ARHGEF10L: variants seen among roughly 807,000 people sequenced by gnomAD.
ARHGEF10L encodes the protein Rho guanine nucleotide exchange factor 10 like, also known as rho guanine nucleotide exchange factor 10-like protein.
In ARHGEF10L, 69 loss-of-function variants were observed where a neutral mutation model predicts 141.2. That is an observed-to-expected ratio of 0.49 (90% CI 0.40 to 0.60). ARHGEF10L has a LOEUF of 0.60. Among genes scored for constraint, ARHGEF10L ranks in the 20% least tolerant of loss-of-function variants. The pLI is 0.00. For synonymous variants in ARHGEF10L, 711 were observed against 718.5 expected, an observed-to-expected ratio of 0.99 and a Z score of 0.17; for missense variants, 1,482 against 1,734.3, an observed-to-expected ratio of 0.85 and a Z score of 2.58.
At position 17,644,674 on chromosome 1, in the gene ARHGEF10L, G is replaced by A. The variant is rs968399556; in HGVS notation, c.2273-3880G>A. Among the ~76,000 whole-genome samples, 3 of 152,164 alleles carry A rather than the reference G, an allele frequency of 2.0e-5. No homozygotes were observed. Among genetic ancestry groups the A allele is most frequent in the Admixed American group, 6.5e-5 (1 of 15,282 alleles). The stretch of plus-strand genomic sequence containing the variant: ...GCTTTAAGTTTGGGAAGTTCGGGAA[G>A]AGCAGTAAAGGCACGATACTGGGAC... On this transcript the variant is annotated intron_variant, in intron 21 of 28. Coordinates refer to ENST00000361221, the MANE Select transcript of ARHGEF10L (RefSeq NM_018125.4). This position sits in a 1 kb window ranked among gnomAD's most constrained non-coding sequence, Gnocchi z 4.5.
rs1446923114 is a variant in ARHGEF10L at position 17,639,904 on chromosome 1, C to T, written c.2172-298C>T. 7 of 1,438,350 alleles carry T rather than the reference C, an allele frequency of 4.9e-6. No homozygotes were observed. The East Asian group carries it at 2.2e-4, about 45-fold the overall frequency. The allele number at this position is 1,438,350 out of a possible 1,614,324, so 89.1% of individuals were successfully genotyped here. ...ACCGCTGACCAGGTGGAGTCACAGC[C>T]TGCAGAGGCTCTGCCGGGCACAAAG... is the stretch of plus-strand genomic sequence containing the variant. On this transcript the variant is annotated intron_variant, in intron 20 of 28. Transcript: ENST00000361221. This position sits in a 1 kb window ranked among gnomAD's most constrained non-coding sequence, Gnocchi z 4.3.
chr1:17,660,054 C>T (rs904829983), intron 25 of ARHGEF10L, among the ~76,000 whole-genome samples: 4 of 152,220 alleles, frequency 2.6e-5, no homozygotes, highest in African/African-American at 9.6e-5. Context: ...TCATTCACTC[C>T]TTCATTTGCT....
At chr1:17,610,592 TC>T (rs1318302676) in intron 7 of ARHGEF10L, among the ~76,000 whole-genome samples, 8 of 152,216 alleles carry the variant, frequency 5.3e-5, no homozygotes, top group Non-Finnish European at 8.8e-5. Context: ...TGCTTCACCC[TC>T]CTGAGCTGCT....
At chr1:17,648,058 G>A (rs1253696965) in intron 21 of ARHGEF10L, among the ~76,000 whole-genome samples, 2 of 152,176 alleles carry the variant, frequency 1.3e-5, no homozygotes, top group Non-Finnish European at 1.5e-5. Context: ...TCACCACCAT[G>A]GTCAAGTGTG....
chr1:17,624,808 G>T (rs543527810), intron 13 of ARHGEF10L, among the ~76,000 whole-genome samples: 1 of 152,334 alleles, frequency 6.6e-6, no homozygotes, highest in East Asian at 1.9e-4. Flanking sequence ...GGTCTGCCTG[G>T]CTGGCCCTGT....
chr1:17,591,338 G>T (rs552179542), intron 4 of ARHGEF10L, among the ~76,000 whole-genome samples: 4 of 151,934 alleles, frequency 2.6e-5, no homozygotes, highest in Non-Finnish European at 5.9e-5. Flanking sequence ...GACCTTCCAG[G>T]CTTGAGCGAT....
intron 26 of ARHGEF10L, among the ~76,000 whole-genome samples, chr1:17,668,272 G>A (rs1436174273): frequency 1.3e-5 from 2 of 152,188 alleles, no homozygotes; most frequent in Non-Finnish European, 2.9e-5. Context: ...GTGGGGCATC[G>A]AGCCCACACT....
rs562387823 is a variant in ARHGEF10L, at chr1:17,672,043, A to G, written c.3009+7448A>G. 4.6e-5 allele frequency among the ~76,000 whole-genome samples: 7 copies of G among 152,304 alleles called. No individual in the cohort carries two copies. In the East Asian group the frequency reaches 1.4e-3, roughly 29 times the overall value. On this transcript the variant is annotated intron_variant, in intron 26 of 28. Transcript: ENST00000361221. ...GGTGCTTCCTGAAGCGCGTGCGGTC[A>G]GCAATCTGCTCTGCATCTGATGCCT...
chr1:17,606,622 A>G (rs1037678458), intron 6 of ARHGEF10L, among the ~76,000 whole-genome samples: 1 of 151,010 alleles, frequency 6.6e-6, no homozygotes, highest in African/African-American at 2.4e-5. Context: ...TTTTAAAAAA[A>G]CACAAAAACA....
At chr1:17,624,758 C>T (rs915630539) in intron 13 of ARHGEF10L, among the ~76,000 whole-genome samples, 1 of 152,194 alleles carries the variant, frequency 6.6e-6, no homozygotes, top group African/African-American at 2.4e-5. Flanking sequence ...CCTGTGTCAT[C>T]TTGCTGACCC....
chr1:17,548,105 T>G (rs1395494875), intron 1 of ARHGEF10L, among the ~76,000 whole-genome samples: 1 of 152,184 alleles, frequency 6.6e-6, no homozygotes, highest in Non-Finnish European at 1.5e-5. Context: ...CTCATGATAT[T>G]GCGTGGCCCA....
chr1:17,664,690 G>A, intron 26 of ARHGEF10L, 95 bp downstream of exon 26: 1 of 1,385,100 alleles, frequency 7.2e-7, no homozygotes, highest in Non-Finnish European at 9.4e-7. Flanking sequence ...TCAGCTCCCA[G>A]TGGCATTCCA....
the ARHGEF10L span, among the ~76,000 whole-genome samples, chr1:17,534,023 G>A: frequency 3.3e-5 from 5 of 151,616 alleles, no homozygotes; most frequent in Admixed American, 6.6e-5. Flanking sequence ...GTGCAGTGGC[G>A]TGATCTTGGC....
chr1:17,521,906 A>G, the ARHGEF10L span, among the ~76,000 whole-genome samples: 1 of 152,020 alleles, frequency 6.6e-6, no homozygotes, highest in African/African-American at 2.4e-5. Flanking sequence ...TGGGGCTGAA[A>G]TGTCACTATC....
At chr1:17,696,362 C>T (rs1398737807) in intron 28 of ARHGEF10L, among the ~76,000 whole-genome samples, 1 of 152,100 alleles carries the variant, frequency 6.6e-6, no homozygotes, top group Non-Finnish European at 1.5e-5. Flanking sequence ...CGGGCAGAGA[C>T]CCTGCTCTCA....
the ARHGEF10L span, among the ~76,000 whole-genome samples, chr1:17,518,699 G>A: frequency 6.6e-6 from 1 of 151,008 alleles, no homozygotes. Flanking sequence ...GGCTGAGGCA[G>A]GAGAATCACT....
At chr1:17,562,646 C>A (rs951948491) in intron 1 of ARHGEF10L, among the ~76,000 whole-genome samples, 8 of 152,192 alleles carry the variant, frequency 5.3e-5, no homozygotes, top group African/African-American at 1.9e-4. Context: ...CAGGAAAGTG[C>A]GGAGGCTGCT....
chr1:17,637,080 T>C (rs189110830), intron 18 of ARHGEF10L, among the ~76,000 whole-genome samples: 14 of 151,934 alleles, frequency 9.2e-5, no homozygotes, highest in African/African-American at 3.1e-4. Flanking sequence ...CCACCCACCA[T>C]TGTTAACTGA....
At chr1:17,626,331 G>A (rs753545034) in intron 14 of ARHGEF10L, among the ~76,000 whole-genome samples, 4 of 152,164 alleles carry the variant, frequency 2.6e-5, no homozygotes, top group African/African-American at 7.2e-5. Context: ...CCCGGGACCC[G>A]CAGGGCTCCT....
Sources: gnomAD v4.1 joint callset for allele counts (sites outside exome capture counted in the v4.1 genomes callset) on GRCh38, gnomAD v4.1.1 for gene constraint, Gnocchi (gnomAD v3.1) non-coding constraint, MANE v1.5 for transcripts, NCBI Gene and HGNC (gene_info 2026-07-23, HGNC 2026-07-21) for gene names.